The following PCDHA6 variants were observed in gnomAD, a reference collection of about 807,000 sequenced individuals.
The protein encoded by PCDHA6 is protocadherin alpha 6, also known as protocadherin alpha-6.
In PCDHA6, 55 loss-of-function variants were observed where a neutral mutation model predicts 60.3. That is an observed-to-expected ratio of 0.91 (90% CI 0.73 to 1.14). PCDHA6 has a LOEUF of 1.14. PCDHA6 is among the 50% of genes most tolerant of loss of function. The probability of loss-of-function intolerance (pLI) is 0.00; values close to 1 mark genes in which losing one functional copy is unlikely to be tolerated. For missense variants in PCDHA6, 1,327 were observed against 1,256.5 expected (o/e 1.06, Z -0.85); for synonymous variants, 652 against 557.9 (o/e 1.17, Z -2.38).
chr5:140,965,121 T>G (rs1454584682), intron 1 of PCDHA6, among the ~76,000 whole-genome samples: 6 of 152,178 alleles, frequency 3.9e-5, no homozygotes, highest in African/African-American at 1.4e-4. Flanking sequence ...TAGAGGAAGA[T>G]CTACAGATGA....
chr5:140,876,138 A>G (rs781923596), intron 1 of PCDHA6: 1 of 1,613,952 alleles, frequency 6.2e-7, no homozygotes. Context: ...AACCAGAACT[A>G]ACAGGGTCTG....
intron 1 of PCDHA6, chr5:140,882,198 G>C (rs964999330): frequency 2.0e-6 from 3 of 1,525,466 alleles, no homozygotes; most frequent in African/African-American, 2.8e-5. Context: ...ATAAAAATTG[G>C]GCCTTGAGAG....
rs2150184393 is a variant in PCDHA6, at chr5:140,830,285, T to C, written c.2194T>C (p.Cys732Arg). The C allele has an allele frequency of 4.3e-6, 7 of 1,613,564 alleles. No individual in the cohort carries two copies. Among genetic ancestry groups the C allele is most frequent in the East Asian group, 2.2e-5 (1 of 44,856 alleles). Reference protein sequence around the residue: ...RCSAPPTEGACTADKPTLVCS... With the variant: ...RCSAPPTEGARTADKPTLVCS... The stretch of plus-strand genomic sequence containing the variant: ...CTCGGCGCCACCCACCGAGGGCGCG[T>C]GCACGGCGGACAAGCCCACGCTGGT... Residue 732 changes from cysteine (C) to arginine (R), a missense_variant, in exon 1 of 4, where the codon TGC becomes CGC. Coordinates refer to ENST00000529310, the MANE Select transcript of PCDHA6 (RefSeq NM_018909.4).
In PCDHA6 at chr5:140,830,124, C is replaced by A. The variant is rs1490985098; in HGVS notation, c.2033C>A (p.Ala678Glu). 9.3e-6 allele frequency: 15 copies of A among 1,613,462 alleles called. No homozygotes were observed. Among genetic ancestry groups the A allele is most frequent in the Non-Finnish European group, 1.3e-5 (15 of 1,179,854 alleles). Residue 678 changes from alanine to glutamate, a missense_variant, in exon 1 of 4, where the codon GCG (alanine) becomes GAG (glutamate). By Grantham distance (107) the Ala-to-Glu change is moderately radical (BLOSUM62 -1). Coordinates refer to ENST00000529310, the MANE Select transcript of PCDHA6 (RefSeq NM_018909.4). ...GTGGAGAGTGGCCAGGCTCCAAAGG[C>A]GTCATCACGGGCGTCGGTGGGCGCC... is the stretch of plus-strand genomic sequence containing the variant. ...SLVESGQAPK[A>E]SSRASVGAAG... is the part of the protein sequence containing the mutation.
intron 1 of PCDHA6, chr5:140,966,441 CT>C (rs1165111455): frequency 7.1e-6 from 3 of 424,684 alleles, no homozygotes; most frequent in African/African-American, 4.1e-5. Context: ...CTACCGCTCC[CT>C]TTCCCCCTCC....
chr5:140,937,288 C>T (rs1473599964), intron 1 of PCDHA6, among the ~76,000 whole-genome samples: 1 of 152,072 alleles, frequency 6.6e-6, no homozygotes, highest in African/African-American at 2.4e-5. Context: ...TCACCCGCTT[C>T]GGCCTCCCAA....
At chr5:140,927,729 G>C (rs2084563367) in intron 1 of PCDHA6, 1 of 1,614,098 alleles carries the variant, frequency 6.2e-7, no homozygotes, top group South Asian at 1.1e-5. Context: ...CGCAAGCAGA[G>C]CTGCGACACC....
intron 1 of PCDHA6, among the ~76,000 whole-genome samples, chr5:140,943,783 C>A (rs1388163068): frequency 1.3e-5 from 2 of 152,102 alleles, no homozygotes; most frequent in Non-Finnish European, 2.9e-5. Context: ...AGGAAGTGGT[C>A]CTTTATGCAA....
chr5:140,862,716 G>T, intron 1 of PCDHA6: 3 of 564,370 alleles, frequency 5.3e-6, no homozygotes, highest in Non-Finnish European at 1.0e-5. Flanking sequence ...GGGTGGGCGA[G>T]TGCGCGCTGT....
At position 140,844,249 on chromosome 5, in the gene PCDHA6, G is replaced by A. The variant is rs2150370021; in HGVS notation, c.2394+13764G>A. Among the ~76,000 whole-genome samples, 545 of 149,548 alleles carry A rather than the reference G, an allele frequency of 3.6e-3. 48 individuals carry two copies. The highest frequency in any genetic ancestry group is 5.8e-3 in the Non-Finnish European group (388 of 66,804). ...TGGTGTTTCACTATTGCCGTTTTAA[G>A]CAGTGTAGTGATAAAATACAGAATG... On this transcript the variant is annotated intron_variant, in intron 1 of 3. Coordinates refer to ENST00000529310, the MANE Select transcript of PCDHA6 (RefSeq NM_018909.4).
At chr5:140,903,500 G>A (rs553764100) in intron 1 of PCDHA6, among the ~76,000 whole-genome samples, 1 of 152,184 alleles carries the variant, frequency 6.6e-6, no homozygotes, top group African/African-American at 2.4e-5. Flanking sequence ...AGGTACCATA[G>A]ATAATAGTTC....
chr5:140,858,664 A>C lies in PCDHA6; in HGVS notation c.2394+28179A>C, dbSNP rs972477672. ...TGGTACTTAAATTTTTTTAAATAAC[A>C]ATTTATTCTGAATACACTAATATTT... On this transcript the variant is annotated intron_variant, in intron 1 of 3. Transcript: ENST00000529310. 30 of 728,612 alleles carry C rather than the reference A, an allele frequency of 4.1e-5. No homozygotes were observed. In the African/African-American group the frequency reaches 4.8e-4, roughly 12 times the overall value. 45.1% of individuals were successfully genotyped at this position (728,612 alleles called of 1,614,324 possible).
At chr5:140,843,089 G>T in intron 1 of PCDHA6, 2 of 1,595,612 alleles carry the variant, frequency 1.3e-6, no homozygotes, top group Non-Finnish European at 1.7e-6. Flanking sequence ...CGCGGGCCAC[G>T]TGGTAGCGAA....
At chr5:140,917,151 G>T (rs974449842) in intron 1 of PCDHA6, among the ~76,000 whole-genome samples, 2 of 152,160 alleles carry the variant, frequency 1.3e-5, no homozygotes, top group Non-Finnish European at 2.9e-5. Flanking sequence ...TGCTGCTGGG[G>T]GATATGGGAG....
intron 1 of PCDHA6, among the ~76,000 whole-genome samples, chr5:140,972,152 A>T (rs1481801555): frequency 6.6e-6 from 1 of 151,770 alleles, no homozygotes; most frequent in African/African-American, 2.4e-5. Context: ...TTTTATTTTT[A>T]TTTTTTTGAG....
intron 1 of PCDHA6, chr5:140,929,850 G>T: frequency 6.5e-6 from 1 of 154,348 alleles, no homozygotes. Flanking sequence ...GAGGAGGAAG[G>T]AGTCAGAGAA....
rs2150158198 is a variant in PCDHA6 at position 140,828,717 on chromosome 5, A to C, written c.626A>C (p.Asn209Thr). The change falls in exon 1 of 4, where the codon AAC becomes ACC. Residue 209 changes from asparagine to threonine, a missense_variant. Physicochemically the swap from Asn to Thr is moderately conservative, Grantham distance 65. Coordinates refer to ENST00000529310, the MANE Select transcript of PCDHA6 (RefSeq NM_018909.4). The stretch of plus-strand genomic sequence containing the variant: ...GACAGAGAGGAAGCTCCTGCACACA[A>C]CTTATTCCTGACAGCCACAGATGGG... The part of the protein sequence containing the change: ...SLDREEAPAH[N>T]LFLTATDGGK... 5.6e-6 allele frequency: 9 copies of C among 1,614,108 alleles called. No homozygotes were observed. In the South Asian group the frequency reaches 7.7e-5, roughly 14 times the overall value.
Position 140,830,436 on chromosome 5 carries a change from T to C in PCDHA6, c.2345T>C (p.Met782Thr), listed in dbSNP as rs2150186408. ...FSPSLSPCPI[M>T]MGKAENQDLN... is the part of the protein sequence containing the mutation. ...CCCAGCCTTTCACCTTGTCCTATTA[T>C]GATGGGTAAGGCGGAGAATCAGGAT... Residue 782 changes from methionine to threonine, a missense_variant, in exon 1 of 4, where the codon ATG becomes ACG. Physicochemically the swap from Met to Thr is moderately conservative, Grantham distance 81 (BLOSUM62 -1). Coordinates refer to ENST00000529310, the MANE Select transcript of PCDHA6 (RefSeq NM_018909.4). 1.3e-5 allele frequency: 21 copies of C among 1,612,796 alleles called. No individual in the cohort carries two copies. Among genetic ancestry groups the C allele is most frequent in the South Asian group, 5.5e-5 (5 of 91,000 alleles).
At chr5:140,969,439 T>C (rs1554231802) in intron 1 of PCDHA6, 2 of 1,546,634 alleles carry the variant, frequency 1.3e-6, no homozygotes, top group Admixed American at 3.9e-5. Context: ...AAGAGTTATC[T>C]GGTAAACTGA....
Sources: allele counts gnomAD v4.1 joint callset (sites outside exome capture counted in the v4.1 genomes callset), GRCh38; gene constraint gnomAD v4.1.1; transcripts MANE v1.5; gene names NCBI Gene and HGNC (gene_info 2026-07-23, HGNC 2026-07-21).